KCNQ1: variants seen among roughly 807,000 people sequenced by gnomAD.
The protein encoded by KCNQ1 is potassium voltage-gated channel subfamily KQT member 1.
A neutral mutation model predicts 72.4 loss-of-function variants in KCNQ1; 49 were observed. The ratio of observed to expected loss-of-function variants is 0.68; its 90% CI spans 0.54 to 0.86. The LOEUF (loss-of-function observed/expected upper bound fraction) is 0.86. Among genes scored for constraint, KCNQ1 ranks in the 40% least tolerant of loss-of-function variants. KCNQ1 has a pLI of 0.00. For synonymous variants in KCNQ1, 450 were observed against 412.6 expected (o/e 1.09, Z -1.10); for missense variants, 790 against 945.1 (o/e 0.84, Z 2.15).
rs890663540 is a variant in KCNQ1 at position 2,654,427 on chromosome 11, G to A, written c.1394-7534G>A. 5.0e-6 allele frequency: 2 copies of A among 398,720 alleles called. No individual in the cohort carries two copies. The highest frequency in any genetic ancestry group is 4.4e-6 in the Non-Finnish European group (1 of 226,154). 24.7% of individuals were successfully genotyped at this position (398,720 alleles called of 1,614,324 possible). A position where few individuals can be genotyped will look rare whatever the true frequency, so the allele number is the denominator to read the frequency against. ...CCAAACCCTGGGGAGACATGGGTGAGGCAGAAGGCAAGGTTCCCGTGCTGA... is the reference window on the plus strand; with the variant it reads ...CCAAACCCTGGGGAGACATGGGTGAAGCAGAAGGCAAGGTTCCCGTGCTGA... On this transcript the variant is annotated intron_variant, in intron 10 of 15. Coordinates refer to ENST00000155840, the MANE Select transcript of KCNQ1 (RefSeq NM_000218.3). This position sits in a 1 kb window ranked among gnomAD's most constrained non-coding sequence, Gnocchi z 6.4.
intron 11 of KCNQ1, among the ~76,000 whole-genome samples, chr11:2,751,886 C>G (rs1201229753): frequency 6.6e-6 from 1 of 152,198 alleles, no homozygotes; most frequent in Non-Finnish European, 1.5e-5. Flanking sequence ...TTGCCCTATT[C>G]CCCCCATAGC....
At chr11:2,604,121 T>A (rs1042700824) in intron 10 of KCNQ1, among the ~76,000 whole-genome samples, 7 of 152,192 alleles carry the variant, frequency 4.6e-5, no homozygotes, top group African/African-American at 1.4e-4. Flanking sequence ...CTATGAATAA[T>A]GCTTCTAGAA....
intron 10 of KCNQ1, chr11:2,632,390 C>T (rs552079504): frequency 1.5e-5 from 6 of 398,346 alleles, no homozygotes; most frequent in African/African-American, 1.2e-4. Context: ...GGCTAGAAAG[C>T]CACTACTATG....
chr11:2,632,366 T>C (rs374939008), intron 10 of KCNQ1: 2 of 398,446 alleles, frequency 5.0e-6, no homozygotes. Flanking sequence ...CTTTATTTCT[T>C]TTCCATATTC....
At position 2,657,934 on chromosome 11, in the gene KCNQ1, G is replaced by A. The variant is rs1309419948; in HGVS notation, c.1394-4027G>A. On this transcript the variant is annotated intron_variant, in intron 10 of 15. Transcript: ENST00000155840. This position sits in a 1 kb window ranked among gnomAD's most constrained non-coding sequence, Gnocchi z 4.8. ...CATGACATCAACATGGTTTATCACT[G>A]GTAATATTAACCTTGAGCCACTCGT... 1 of 398,438 alleles carries A rather than the reference G, an allele frequency of 2.5e-6. No homozygotes were observed. Among genetic ancestry groups the A allele is most frequent in the Admixed American group, 4.4e-5 (1 of 22,706 alleles). 24.7% of individuals were successfully genotyped at this position (398,438 alleles called of 1,614,324 possible).
In KCNQ1 at chr11:2,539,661, C is replaced by A. The variant is rs138649273; in HGVS notation, c.477+11643C>A. Among the ~76,000 whole-genome samples the A allele has an allele frequency of 3.0e-3, 451 of 152,340 alleles. 3 individuals carry two copies. Among genetic ancestry groups the A allele is most frequent in the South Asian group, 5.6e-3 (27 of 4,832 alleles). On this transcript the variant is annotated intron_variant, in intron 2 of 15. Coordinates refer to ENST00000155840, the MANE Select transcript of KCNQ1 (RefSeq NM_000218.3). ...GCTTTCCAGCTCTCCCAGGCCAGTTCCCGTGTTTTCTCTCCCGCCTTCCCC... is the reference window on the plus strand; with the variant it reads ...GCTTTCCAGCTCTCCCAGGCCAGTTACCGTGTTTTCTCTCCCGCCTTCCCC...
intron 2 of KCNQ1, among the ~76,000 whole-genome samples, chr11:2,533,470 G>A (rs1390408028): frequency 6.6e-6 from 1 of 152,256 alleles, no homozygotes; most frequent in Non-Finnish European, 1.5e-5. Flanking sequence ...ATTCAGAGGG[G>A]GCTGTGTGTG....
Position 2,732,439 on chromosome 11 carries a change from G to C in KCNQ1, c.1515-36405G>C, listed in dbSNP as rs1225520961. ...GCCTGGGCTGGGCAGGGGACTCCTG[G>C]CTTCGTTTCTTCCCTCGCCTTTGCT... On this transcript the variant is annotated intron_variant, in intron 11 of 15. Transcript: ENST00000155840. Among the ~76,000 whole-genome samples the C allele has an allele frequency of 2.6e-5, 4 of 152,318 alleles. No homozygotes were observed. The East Asian group carries it at 7.7e-4, about 29-fold the overall frequency.
At position 2,684,215 on chromosome 11, in the gene KCNQ1, GCTGT is replaced by G. The variant is rs1850447204; in HGVS notation, c.1514+22139_1514+22142del. ...GTCAGACTCTGCCAGGAGACAGGCA[GCTGT>G]CTGTTAACTGACCCTACCCAGTACC... On this transcript the variant is annotated intron_variant, in intron 11 of 15. Coordinates refer to ENST00000155840, the MANE Select transcript of KCNQ1 (RefSeq NM_000218.3). 4 of 398,632 alleles carry G rather than the reference GCTGT, an allele frequency of 1.0e-5. No individual in the cohort carries two copies. The South Asian group carries it at 5.1e-4, about 51-fold the overall frequency. 24.7% of individuals were successfully genotyped at this position (398,632 alleles called of 1,614,324 possible).
chr11:2,585,381 C>T lies in KCNQ1; in HGVS notation c.1128+74C>T, dbSNP rs1487522323. ...TGTTGCATCCAGCCCTCACGGCCAC[C>T]TGTCAGAACCATCATTGGCCCCTGC... On this transcript the variant is annotated intron_variant, in intron 8 of 15. Transcript: ENST00000155840. The T allele has an allele frequency of 3.8e-6, 5 of 1,310,868 alleles. No individual in the cohort carries two copies. The African/African-American group carries it at 4.3e-5, about 11-fold the overall frequency. 81.2% of individuals were successfully genotyped at this position (1,310,868 alleles called of 1,614,324 possible). A position where few individuals can be genotyped will look rare whatever the true frequency, so the allele number is the denominator to read the frequency against.
rs146387987 is a variant in KCNQ1 at position 2,506,899 on chromosome 11, A to G, written c.387-21029A>G. Among the ~76,000 whole-genome samples the G allele has an allele frequency of 9.8e-4, 149 of 152,138 alleles. 3 individuals carry two copies. The East Asian group carries it at 0.021, about 22-fold the overall frequency. On this transcript the variant is annotated intron_variant, in intron 1 of 15. Coordinates refer to ENST00000155840, the MANE Select transcript of KCNQ1 (RefSeq NM_000218.3). ...TAAATCGTCTGTCTTCTCATTTCCA[A>G]CTTCTTCCATTGGGTTTTTGGTTCT...
intron 1 of KCNQ1, among the ~76,000 whole-genome samples, chr11:2,460,667 A>G (rs771403012): frequency 6.6e-6 from 1 of 152,176 alleles, no homozygotes; most frequent in Non-Finnish European, 1.5e-5. Context: ...CCCTGTGCCC[A>G]CTGCTGGGGA....
Position 2,540,377 on chromosome 11 carries a change from G to A in KCNQ1, c.477+12359G>A, listed in dbSNP as rs188093645. Among the ~76,000 whole-genome samples, 35 of 152,254 alleles carry A rather than the reference G, an allele frequency of 2.3e-4. No individual in the cohort carries two copies. In the East Asian group the frequency reaches 6.2e-3, roughly 27 times the overall value. ...GGTTGGGGGGACAGGGCTCGGTGCG[G>A]CCTCACGGGGTCAGGAGCCACGGCT... On this transcript the variant is annotated intron_variant, in intron 2 of 15. Transcript: ENST00000155840.
chr11:2,580,238 GGGTTTGTCCTCGGCTGCCTCGGGA>G (rs1263959409), intron 6 of KCNQ1, among the ~76,000 whole-genome samples: 3 of 151,742 alleles, frequency 2.0e-5, no homozygotes, highest in Admixed American at 6.6e-5. Context: ...AGCCTATCTT[GGGTTTGTCCTCGGCTGCCTCGGGA>G]GGCAGCCGTG....
At position 2,772,263 on chromosome 11, in the gene KCNQ1, G is replaced by A. The variant is rs1846614716; in HGVS notation, c.1590+3344G>A. On this transcript the variant is annotated intron_variant, in intron 12 of 15. Transcript: ENST00000155840. The surrounding 1 kb of genome is among the most constrained non-coding windows in gnomAD (Gnocchi z 6.6). ...CCCACCCCCGCTGGCCTCAGGGGCT[G>A]CTGACATGGCAGGTGACCCCTCTGC... is the stretch of plus-strand genomic sequence containing the variant. 6.6e-6 allele frequency among the ~76,000 whole-genome samples: 1 copy of A among 152,066 alleles called. No individual in the cohort carries two copies. Among genetic ancestry groups the A allele is most frequent in the Non-Finnish European group, 1.5e-5 (1 of 67,992 alleles).
rs930103645 is a variant in KCNQ1, at chr11:2,565,299, G to A, written c.478-5329G>A. On this transcript the variant is annotated intron_variant, in intron 2 of 15. Coordinates refer to ENST00000155840, the MANE Select transcript of KCNQ1 (RefSeq NM_000218.3). This position sits in a 1 kb window ranked among gnomAD's most constrained non-coding sequence, Gnocchi z 5.6. ...TTGGGAGCACTTGTCACTCTGTTTGGGGTGGCAGCCACCCTAATGGATGAG... is the reference window on the plus strand; with the variant it reads ...TTGGGAGCACTTGTCACTCTGTTTGAGGTGGCAGCCACCCTAATGGATGAG... Among the ~76,000 whole-genome samples, 1 of 152,020 alleles carries A rather than the reference G, an allele frequency of 6.6e-6. No homozygotes were observed. Among genetic ancestry groups the A allele is most frequent in the Non-Finnish European group, 1.5e-5 (1 of 68,000 alleles).
chr11:2,803,432 G>T lies in KCNQ1; in HGVS notation c.1794+25395G>T, dbSNP rs1216673829. Among the ~76,000 whole-genome samples, 2 of 152,182 alleles carry T rather than the reference G, an allele frequency of 1.3e-5. No individual in the cohort carries two copies. Among genetic ancestry groups the T allele is most frequent in the Non-Finnish European group, 2.9e-5 (2 of 68,028 alleles). On this transcript the variant is annotated intron_variant, in intron 15 of 15. Transcript: ENST00000155840. The surrounding 1 kb of genome is among the most constrained non-coding windows in gnomAD (Gnocchi z 6.4). ...TCCCTCCAGACCACGGTGCCTTCTGGGCTCTGGAGAATGCACCTGTGTTCC... is the reference window on the plus strand; with the variant it reads ...TCCCTCCAGACCACGGTGCCTTCTGTGCTCTGGAGAATGCACCTGTGTTCC...
Position 2,544,270 on chromosome 11 carries a change from G to GTA in KCNQ1, c.477+16260_477+16261dup, listed in dbSNP as rs1456898337. On this transcript the variant is annotated intron_variant, in intron 2 of 15. Coordinates refer to ENST00000155840, the MANE Select transcript of KCNQ1 (RefSeq NM_000218.3). This position sits in a 1 kb window ranked among gnomAD's most constrained non-coding sequence, Gnocchi z 4.4. ...TGTGTATATATATATGTGTGTGTGT[G>GTA]TATATATATGTGTATATATATATGT... 2.2e-5 allele frequency among the ~76,000 whole-genome samples: 2 copies of GTA among 90,068 alleles called. No homozygotes were observed. The highest frequency in any genetic ancestry group is 1.5e-4 in the African/African-American group (2 of 13,034). The allele number at this position is 90,068 out of a possible 152,430, so 59.1% of individuals were successfully genotyped here.
Position 2,600,123 on chromosome 11 carries a change from G to A in KCNQ1, c.1393+11269G>A, listed in dbSNP as rs1848780472. On this transcript the variant is annotated intron_variant, in intron 10 of 15. Transcript: ENST00000155840. This position sits in a 1 kb window ranked among gnomAD's most constrained non-coding sequence, Gnocchi z 5.6. ...AGAGTTTCTCCACTGTACCTCTATT[G>A]AAATCTAGTGCCGGATAATTCTTTG... 6.6e-6 allele frequency among the ~76,000 whole-genome samples: 1 copy of A among 152,126 alleles called. No individual in the cohort carries two copies. The highest frequency in any genetic ancestry group is 1.5e-5 in the Non-Finnish European group (1 of 68,028).
Sources: gnomAD v4.1 joint callset for allele counts (sites outside exome capture counted in the v4.1 genomes callset) on GRCh38, gnomAD v4.1.1 for gene constraint, Gnocchi (gnomAD v3.1) non-coding constraint, MANE v1.5 for transcripts, NCBI Gene and HGNC (gene_info 2026-07-23, HGNC 2026-07-21) for gene names.